The following HMX1 variants were observed in gnomAD, a reference collection of about 807,000 sequenced individuals.
HMX1 encodes homeobox protein HMX1.
A neutral mutation model predicts 8.9 loss-of-function variants in HMX1; 8 were observed. That is an observed-to-expected ratio of 0.90 (90% CI 0.53 to 1.63). The LOEUF is 1.63. Among genes scored for constraint, HMX1 ranks in the 40% most tolerant of loss-of-function variants. The pLI, the probability that HMX1 is intolerant of heterozygous loss-of-function variation, is 0.00. For synonymous variants in HMX1, 311 were observed against 283.4 expected (o/e 1.10, Z -0.98); for missense variants, 621 against 558.5 (o/e 1.11, Z -1.13).
At chr4:8,860,652 C>G (rs943132443) in intron 1 of HMX1, 1 of 152,314 alleles carries the variant, frequency 6.6e-6, no homozygotes, top group Non-Finnish European at 1.5e-5. Flanking sequence ...TCTCCACCTG[C>G]GCGCCTCGAG....
chr4:8,861,394 G>T lies in HMX1; in HGVS notation c.394+9827C>A, dbSNP rs180754053. ...CTGTGCCGAGGAGCCTCTCCGCAAA[G>T]AAATAAACACGCCCTGTCTCCCCGA... On this transcript the variant is annotated intron_variant, in intron 1 of 1. Transcript: ENST00000506970. Among the ~76,000 whole-genome samples the T allele has an allele frequency of 3.6e-3, 549 of 152,296 alleles. 3 individuals carry two copies. The highest frequency in any genetic ancestry group is 0.012 in the African/African-American group (489 of 41,574).
At position 8,867,067 on chromosome 4, in the gene HMX1, T is replaced by C; in HGVS notation, c.*626A>G. ...AAACTGTCCAGAAAATGTCCCTTTT[T>C]ATTCCATACGCAAATAAGTAGATTC... On this transcript the variant is annotated 3_prime_UTR_variant, in exon 2 of 2. Transcript: ENST00000400677. The C allele has an allele frequency of 1.0e-6, 1 of 985,284 alleles. No homozygotes were observed. The highest frequency in any genetic ancestry group is 4.7e-5 in the South Asian group (1 of 21,280). 61.0% of individuals were successfully genotyped at this position (985,284 alleles called of 1,614,324 possible).
chr4:8,857,019 G>A (rs1467591176), intron 1 of HMX1, among the ~76,000 whole-genome samples: 3 of 152,194 alleles, frequency 2.0e-5, no homozygotes, highest in Non-Finnish European at 2.9e-5. Context: ...AGGAAATGGA[G>A]GCTGCAGTGA....
At chr4:8,861,549 C>A (rs1463827517) in intron 1 of HMX1, among the ~76,000 whole-genome samples, 1 of 152,170 alleles carries the variant, frequency 6.6e-6, no homozygotes, top group Non-Finnish European at 1.5e-5. Flanking sequence ...CGAAGAGGGA[C>A]GAGCAGAGGA....
chr4:8,849,620 C>A lies in HMX1; in HGVS notation c.395-3296G>T, dbSNP rs561784074. ...TTGGTCCCGGCAGCCCCAGGACACTCACGGAGACACACGCAGGGCAGCTCT... is the reference window on the plus strand; with the variant it reads ...TTGGTCCCGGCAGCCCCAGGACACTAACGGAGACACACGCAGGGCAGCTCT... On this transcript the variant is annotated intron_variant, in intron 1 of 1. Coordinates refer to the HMX1 transcript ENST00000506970. This position sits in a 1 kb window ranked among gnomAD's most constrained non-coding sequence, Gnocchi z 6.6. Among the ~76,000 whole-genome samples the A allele has an allele frequency of 2.0e-5, 3 of 152,292 alleles. No homozygotes were observed. In the South Asian group the frequency reaches 6.2e-4, roughly 32 times the overall value.
In HMX1 at chr4:8,857,709, T is replaced by A. The variant is rs565684217; in HGVS notation, c.395-11385A>T. ...TGAGTCTGGGGGTTCGGGAAACAAT[T>A]TTGGACGTTTCTGGTTGGATTGTGT... On this transcript the variant is annotated intron_variant, in intron 1 of 1. Transcript: ENST00000506970. Among the ~76,000 whole-genome samples the A allele has an allele frequency of 5.3e-5, 8 of 152,242 alleles. 1 individual carries two copies. The highest frequency in any genetic ancestry group is 1.9e-4 in the African/African-American group (8 of 41,552).
downstream of HMX1, among the ~76,000 whole-genome samples, chr4:8,863,339 G>A (rs1285653276): frequency 6.6e-6 from 1 of 152,202 alleles, no homozygotes. Context: ...TGGGGGAGAG[G>A]CACTGACAGA....
chr4:8,857,459 C>T (rs927755141), intron 1 of HMX1, among the ~76,000 whole-genome samples: 9 of 152,200 alleles, frequency 5.9e-5, no homozygotes, highest in Non-Finnish European at 1.0e-4. Flanking sequence ...CCCTGCTGCG[C>T]CGGGCCTCCC....
intron 1 of HMX1, among the ~76,000 whole-genome samples, chr4:8,861,073 G>C (rs960491822): frequency 6.6e-5 from 10 of 152,072 alleles, no homozygotes; most frequent in African/African-American, 2.4e-4. Context: ...GAAGAGGCGG[G>C]GCCGAGTCGC....
chr4:8,871,236 C>G lies in HMX1; in HGVS notation c.379G>C (p.Gly127Arg), dbSNP rs866799170. 6.7e-7 allele frequency: 1 copy of G among 1,482,844 alleles called. No homozygotes were observed. Among genetic ancestry groups the G allele is most frequent in the Non-Finnish European group, 8.9e-7 (1 of 1,123,626 alleles). 91.9% of individuals were successfully genotyped at this position (1,482,844 alleles called of 1,614,324 possible). The part of the protein sequence containing the change: ...YPRAHGGYGG[G>R]LSPDTSDRDS... ...CCTCACTCACTGTCAGGACTGAGGC[C>G]GCCTCCATAGCCACCGTGCGCCCGT... Residue 127 changes from glycine to arginine, a missense_variant, in exon 1 of 2, where the codon GGC becomes CGC. By Grantham distance (125) the Gly-to-Arg change is moderately radical. Transcript: ENST00000400677. This position sits in a 1 kb window ranked among gnomAD's most constrained non-coding sequence, Gnocchi z 4.8.
intron 1 of HMX1, among the ~76,000 whole-genome samples, chr4:8,861,105 GCGGAGCTGGCGCCA>G (rs1292354914): frequency 6.6e-6 from 1 of 152,130 alleles, no homozygotes; most frequent in Non-Finnish European, 1.5e-5. Flanking sequence ...CCCGGACACA[GCGGAGCTGGCGCCA>G]CTGTCGGGGT....
rs1722166502 is a variant in HMX1, at chr4:8,870,214, G to A, written c.394+1007C>T. Among the ~76,000 whole-genome samples the A allele has an allele frequency of 2.0e-5, 3 of 151,772 alleles. No individual in the cohort carries two copies. The highest frequency in any genetic ancestry group is 1.3e-4 in the Admixed American group (2 of 15,256). ...CCTCAGCTGGCCTCAAGGTCCAAAG[G>A]CTGTGTTGGGGGTGGGGGGCTGGCT... On this transcript the variant is annotated intron_variant, in intron 1 of 1. Coordinates refer to ENST00000400677, the MANE Select transcript of HMX1 (RefSeq NM_018942.3). This position sits in a 1 kb window ranked among gnomAD's most constrained non-coding sequence, Gnocchi z 4.4.
At chr4:8,856,853 C>T (rs1721623433) in intron 1 of HMX1, among the ~76,000 whole-genome samples, 1 of 152,190 alleles carries the variant, frequency 6.6e-6, no homozygotes, top group African/African-American at 2.4e-5. Context: ...CTTGGGGAGG[C>T]CGAGGCAGAC....
rs1027990699 is a variant in HMX1 at position 8,853,544 on chromosome 4, T to A, written c.395-7220A>T. On this transcript the variant is annotated intron_variant, in intron 1 of 1. Coordinates refer to the HMX1 transcript ENST00000506970. This position sits in a 1 kb window ranked among gnomAD's most constrained non-coding sequence, Gnocchi z 4.7. ...CAACTGAAATCCAGAAGGGTTCAAT[T>A]AGTAAAAGGTAAAAGGGGAGAATGC... Among the ~76,000 whole-genome samples the A allele has an allele frequency of 6.6e-6, 1 of 152,056 alleles. No homozygotes were observed. Among genetic ancestry groups the A allele is most frequent in the Non-Finnish European group, 1.5e-5 (1 of 68,014 alleles).
chr4:8,857,870 C>A (rs1010741958), intron 1 of HMX1, among the ~76,000 whole-genome samples: 5 of 152,170 alleles, frequency 3.3e-5, no homozygotes, highest in African/African-American at 1.2e-4. Flanking sequence ...CCACACGCGC[C>A]GTGCCGAGCC....
At chr4:8,854,992 A>G (rs1167632534) in intron 1 of HMX1, among the ~76,000 whole-genome samples, 8 of 152,228 alleles carry the variant, frequency 5.3e-5, no homozygotes, top group African/African-American at 1.9e-4. Context: ...CTTATGCATG[A>G]AACACACGTG....
intron 1 of HMX1, chr4:8,846,425 C>T: frequency 1.1e-6 from 1 of 886,546 alleles, no homozygotes; most frequent in Admixed American, 2.7e-5. Flanking sequence ...GCTCAAAACC[C>T]AAACCTGGCT....
At position 8,867,379 on chromosome 4, in the gene HMX1, C is replaced by T; in HGVS notation, c.*314G>A. 1 of 1,045,816 alleles carries T rather than the reference C, an allele frequency of 9.6e-7. No individual in the cohort carries two copies. The highest frequency in any genetic ancestry group is 7.5e-5 in the East Asian group (1 of 13,346). 64.8% of individuals were successfully genotyped at this position (1,045,816 alleles called of 1,614,324 possible). A position where few individuals can be genotyped will look rare whatever the true frequency, so the allele number is the denominator to read the frequency against. ...CCTGAGGGCAGCTGCCCCGGGTGGC[C>T]ATGGCCGACCGCTCCTCGCTGAGGC... On this transcript the variant is annotated 3_prime_UTR_variant, in exon 2 of 2. Coordinates refer to ENST00000400677, the MANE Select transcript of HMX1 (RefSeq NM_018942.3).
chr4:8,863,517 C>G (rs1285181394), downstream of HMX1, among the ~76,000 whole-genome samples: 1 of 152,232 alleles, frequency 6.6e-6, no homozygotes, highest in African/African-American at 2.4e-5. Flanking sequence ...ACTGGGCACC[C>G]CTCCCCTGCA....
Sources: allele counts gnomAD v4.1 joint callset (sites outside exome capture counted in the v4.1 genomes callset), GRCh38; gene constraint gnomAD v4.1.1; non-coding constraint Gnocchi (gnomAD v3.1); transcripts MANE v1.5; gene names NCBI Gene and HGNC (gene_info 2026-07-23, HGNC 2026-07-21).